Variants in PCDHGB1 observed in about 807,000 individuals in gnomAD.
PCDHGB1 encodes the protein protocadherin gamma subfamily B, 1.
Under a neutral mutation model 56.6 loss-of-function variants are expected in PCDHGB1, and 34 were observed. The ratio of observed to expected loss-of-function variants is 0.60; its 90% CI spans 0.46 to 0.80. The LOEUF is 0.80. Ranked by LOEUF, PCDHGB1 falls within the 30% of genes least tolerant of loss-of-function variation. PCDHGB1 has a pLI of 0.00. For synonymous variants in PCDHGB1, 561 were observed against 505.9 expected (o/e 1.11, Z -1.46); for missense variants, 1,278 against 1,204.6 (o/e 1.06, Z -0.90).
At position 141,399,851 on chromosome 5, in the gene PCDHGB1, C is replaced by G. The variant is rs971471583; in HGVS notation, c.2409+47182C>G. 7 of 1,612,832 alleles carry G rather than the reference C, an allele frequency of 4.3e-6. No individual in the cohort carries two copies. In the African/African-American group the frequency reaches 6.7e-5, roughly 15 times the overall value. Reference sequence around the variant, plus strand: ...GGCTCTGCGCTCTTCGATATGGTGCCGCGCGCTGCAGAGCCCGGCTACCTG... The same window carrying G: ...GGCTCTGCGCTCTTCGATATGGTGCGGCGCGCTGCAGAGCCCGGCTACCTG... On this transcript the variant is annotated intron_variant, in intron 1 of 3. Coordinates refer to ENST00000523390, the MANE Select transcript of PCDHGB1 (RefSeq NM_018922.3).
At chr5:141,439,207 C>A (rs1003519997) in intron 1 of PCDHGB1, among the ~76,000 whole-genome samples, 1 of 149,828 alleles carries the variant, frequency 6.7e-6, no homozygotes, top group Non-Finnish European at 1.5e-5. Context: ...AAAAAAAAAT[C>A]CATATGTGAA....
chr5:141,455,542 C>T (rs2154565110), intron 1 of PCDHGB1, among the ~76,000 whole-genome samples: 1 of 152,246 alleles, frequency 6.6e-6, no homozygotes, highest in African/African-American at 2.4e-5. Flanking sequence ...ATATCATTCA[C>T]GTAGCCCGAG....
At chr5:141,397,818 T>TAA (rs748152113) in intron 1 of PCDHGB1, among the ~76,000 whole-genome samples, 1 of 152,226 alleles carries the variant, frequency 6.6e-6, no homozygotes, top group Non-Finnish European at 1.5e-5. Flanking sequence ...CAAAAACAAT[T>TAA]ACTGCACTGG....
intron 1 of PCDHGB1, chr5:141,414,308 T>C: frequency 6.2e-7 from 1 of 1,613,764 alleles, no homozygotes; most frequent in Non-Finnish European, 8.5e-7. Context: ...GTGCATGATT[T>C]AGACTCTGAG....
intron 1 of PCDHGB1, chr5:141,403,422 C>G: frequency 6.2e-7 from 1 of 1,614,030 alleles, no homozygotes; most frequent in Non-Finnish European, 8.5e-7. Flanking sequence ...CTTCCAGAAG[C>G]TATTGATCCG....
intron 1 of PCDHGB1, among the ~76,000 whole-genome samples, chr5:141,472,145 A>G (rs1376068421): frequency 6.6e-6 from 1 of 152,244 alleles, no homozygotes; most frequent in Non-Finnish European, 1.5e-5. Flanking sequence ...TAAAAGTTTC[A>G]TGGTTACATA....
In PCDHGB1 at chr5:141,383,047, A is replaced by T. The variant is rs373552606; in HGVS notation, c.2409+30378A>T. ...AGGGTCCTTTGTGGGAGACATCGCCAAGGACCTGGGGCTGGAGCCCCGGGA... is the reference window on the plus strand; with the variant it reads ...AGGGTCCTTTGTGGGAGACATCGCCTAGGACCTGGGGCTGGAGCCCCGGGA... On this transcript the variant is annotated intron_variant, in intron 1 of 3. Coordinates refer to ENST00000523390, the MANE Select transcript of PCDHGB1 (RefSeq NM_018922.3). The T allele has an allele frequency of 1.6e-5, 26 of 1,613,752 alleles. No individual in the cohort carries two copies. The African/African-American group carries it at 2.9e-4, about 18-fold the overall frequency.
At chr5:141,422,587 C>G in intron 1 of PCDHGB1, 2 of 1,614,032 alleles carry the variant, frequency 1.2e-6, no homozygotes, top group Non-Finnish European at 1.7e-6. Flanking sequence ...TCCCGTTTTT[C>G]CTCACTCCTC....
At chr5:141,413,775 G>T in intron 1 of PCDHGB1, 1 of 1,612,878 alleles carries the variant, frequency 6.2e-7, no homozygotes, top group South Asian at 1.1e-5. Context: ...AGCTGGTACT[G>T]GAGCACTCCC....
At chr5:141,440,115 A>G (rs921555018) in intron 1 of PCDHGB1, 4 of 152,250 alleles carry the variant, frequency 2.6e-5, no homozygotes, top group African/African-American at 4.8e-5. Flanking sequence ...TTACTTGTGA[A>G]TGACTGAATG....
intron 1 of PCDHGB1, chr5:141,361,756 G>A (rs1588567192): frequency 6.2e-7 from 1 of 1,613,066 alleles, no homozygotes; most frequent in Non-Finnish European, 8.5e-7. Flanking sequence ...GGGCTCGCCC[G>A]CGCTCAGCGC....
At chr5:141,395,495 T>A (rs182989344) in intron 1 of PCDHGB1, 1 of 498,616 alleles carries the variant, frequency 2.0e-6, no homozygotes, top group East Asian at 3.5e-5. Context: ...TATCACTCAT[T>A]CACTTAAGAA....
intron 1 of PCDHGB1, chr5:141,375,334 G>C (rs1417595608): frequency 1.9e-6 from 3 of 1,613,802 alleles, no homozygotes; most frequent in East Asian, 2.2e-5. Context: ...AGGTATTCTT[G>C]TACAACATCA....
intron 1 of PCDHGB1, chr5:141,389,972 GA>G: frequency 6.2e-7 from 1 of 1,614,056 alleles, no homozygotes; most frequent in East Asian, 2.2e-5. Flanking sequence ...CCTTGGCCTT[GA>G]TCTCAGTGCT....
intron 1 of PCDHGB1, chr5:141,367,126 T>C (rs1038047852): frequency 3.8e-5 from 8 of 211,274 alleles, no homozygotes; most frequent in Non-Finnish European, 6.6e-5. Context: ...AGTGAATGTG[T>C]TTTGGAAAGG....
intron 1 of PCDHGB1, chr5:141,393,906 G>C: frequency 1.2e-6 from 2 of 1,613,998 alleles, no homozygotes; most frequent in Non-Finnish European, 1.7e-6. Context: ...TCCCGGGACA[G>C]TAATTGCCTT....
At chr5:141,436,305 T>C (rs2097810667) in intron 1 of PCDHGB1, among the ~76,000 whole-genome samples, 1 of 152,184 alleles carries the variant, frequency 6.6e-6, no homozygotes. Flanking sequence ...AGTTAGAGCA[T>C]GAATAGTCAA....
In PCDHGB1 at chr5:141,409,552, A is replaced by C. The variant is rs777125488; in HGVS notation, c.2409+56883A>C. On this transcript the variant is annotated intron_variant, in intron 1 of 3. Transcript: ENST00000523390. ...TCGCTGACATCAACGACAACGCCCC[A>C]GTTTTCGACCAGACGTCCTACGTGG... 9 of 1,613,844 alleles carry C rather than the reference A, an allele frequency of 5.6e-6. No homozygotes were observed. The East Asian group carries it at 1.1e-4, about 20-fold the overall frequency.
Position 141,477,447 on chromosome 5 carries a change from G to C in PCDHGB1, c.2410-17360G>C, listed in dbSNP as rs779097830. On this transcript the variant is annotated intron_variant, in intron 1 of 3. Coordinates refer to ENST00000523390, the MANE Select transcript of PCDHGB1 (RefSeq NM_018922.3). The surrounding 1 kb of genome is among the most constrained non-coding windows in gnomAD (Gnocchi z 4.9). ...TCCCTCTCAGCCCTTACAATAGTGCGTGTTCAAGTGTCCGACATCAATGAC... is the reference window on the plus strand; with the variant it reads ...TCCCTCTCAGCCCTTACAATAGTGCCTGTTCAAGTGTCCGACATCAATGAC... The C allele has an allele frequency of 1.6e-5, 26 of 1,614,098 alleles. No individual in the cohort carries two copies. Among genetic ancestry groups the C allele is most frequent in the Non-Finnish European group, 2.2e-5 (26 of 1,180,016 alleles).
Sources: allele counts gnomAD v4.1 joint callset (sites outside exome capture counted in the v4.1 genomes callset), GRCh38; gene constraint gnomAD v4.1.1; non-coding constraint Gnocchi (gnomAD v3.1); transcripts MANE v1.5; gene names NCBI Gene and HGNC (gene_info 2026-07-23, HGNC 2026-07-21).